The following FRMD4A variants were observed in gnomAD, a reference collection of about 807,000 sequenced individuals.
The protein encoded by FRMD4A is FERM domain containing 4A, also known as FERM domain-containing protein 4A.
A neutral mutation model predicts 129.1 loss-of-function variants in FRMD4A; 29 were observed. The observed-to-expected ratio is 0.22, with a 90% CI of 0.17 to 0.31. FRMD4A has a LOEUF of 0.31. Ranked by LOEUF, FRMD4A falls within the 10% of genes least tolerant of loss-of-function variation. The pLI, the probability that FRMD4A is intolerant of heterozygous loss-of-function variation, is 1.00. For missense variants in FRMD4A, 1,272 were observed against 1,375.8 expected, an observed-to-expected ratio of 0.92 and a Z score of 1.19; for synonymous variants, 634 against 571.6, an observed-to-expected ratio of 1.11 and a Z score of -1.56.
At chr10:13,881,111 G>A (rs2094541464) in intron 2 of FRMD4A, among the ~76,000 whole-genome samples, 1 of 152,040 alleles carries the variant, frequency 6.6e-6, no homozygotes, top group African/African-American at 2.4e-5. Flanking sequence ...TGCCAGGGTA[G>A]CATTTTTTAT....
chr10:13,666,783 C>T (rs1283944590), intron 17 of FRMD4A, among the ~76,000 whole-genome samples: 2 of 152,118 alleles, frequency 1.3e-5, no homozygotes, highest in South Asian at 2.1e-4. Context: ...AGCTAATGCA[C>T]GGGCCTCTGA....
At chr10:14,063,255 C>T (rs958138999) in intron 2 of FRMD4A, among the ~76,000 whole-genome samples, 4 of 151,490 alleles carry the variant, frequency 2.6e-5, no homozygotes, top group African/African-American at 9.7e-5. Flanking sequence ...AGTGCGTGTT[C>T]GGTTCCAGCT....
At chr10:13,663,539 G>C (rs768719195) in intron 18 of FRMD4A, 30 bp from the exon 19 acceptor site, 6 of 1,152,244 alleles carry the variant, frequency 5.2e-6, no homozygotes, top group Non-Finnish European at 7.9e-6. Flanking sequence ...TAGCCTATGA[G>C]TTCAGCACAT....
intron 2 of FRMD4A, among the ~76,000 whole-genome samples, chr10:14,293,521 A>G (rs1163296288): frequency 6.6e-6 from 1 of 152,152 alleles, no homozygotes; most frequent in Non-Finnish European, 1.5e-5. Context: ...GTTGTACTTC[A>G]CTGATAATCA....
chr10:13,989,532 T>A (rs1216500779), intron 2 of FRMD4A, among the ~76,000 whole-genome samples: 1 of 152,212 alleles, frequency 6.6e-6, no homozygotes, highest in African/African-American at 2.4e-5. Context: ...TTTCACCATG[T>A]TGGCCAAGAA....
chr10:14,057,119 G>T (rs12265397), intron 2 of FRMD4A, among the ~76,000 whole-genome samples: 41,031 of 152,062 alleles, frequency 0.27, 6,703 homozygotes, highest in African/African-American at 0.46. Context: ...GGCCTCAAAG[G>T]GTTTTGCAAT....
chr10:14,112,821 C>T (rs780964954), intron 2 of FRMD4A, among the ~76,000 whole-genome samples: 21 of 152,170 alleles, frequency 1.4e-4, no homozygotes, highest in African/African-American at 2.9e-4. Flanking sequence ...CCACTGTGCC[C>T]GGCCCCCTGA....
At chr10:13,648,822 T>A (rs1456995470) in intron 24 of FRMD4A, 2 of 152,218 alleles carry the variant, frequency 1.3e-5, no homozygotes, top group African/African-American at 4.8e-5. Context: ...ACAAACATGA[T>A]CTGGGTCTGT....
intron 5 of FRMD4A, among the ~76,000 whole-genome samples, chr10:13,794,024 G>A (rs936375059): frequency 3.9e-5 from 6 of 152,122 alleles, no homozygotes; most frequent in African/African-American, 1.2e-4. Flanking sequence ...CCCACCCTTG[G>A]AGGCTGCTTC....
intron 2 of FRMD4A, among the ~76,000 whole-genome samples, chr10:13,895,507 G>T (rs1282729294): frequency 6.6e-6 from 1 of 152,150 alleles, no homozygotes. Context: ...CCTGGCACAA[G>T]ATCTCTTTAC....
At chr10:14,187,249 AT>A (rs1483454013) in intron 2 of FRMD4A, among the ~76,000 whole-genome samples, 3 of 152,224 alleles carry the variant, frequency 2.0e-5, no homozygotes, top group African/African-American at 7.2e-5. Context: ...TCTTAAAGGC[AT>A]TATGAGCCTA....
At chr10:13,813,551 T>C (rs1238220042) in intron 3 of FRMD4A, among the ~76,000 whole-genome samples, 1 of 152,250 alleles carries the variant, frequency 6.6e-6, no homozygotes, top group African/African-American at 2.4e-5. Context: ...ATACATTTAA[T>C]ACACCTTACC....
intron 2 of FRMD4A, among the ~76,000 whole-genome samples, chr10:13,923,036 C>T (rs1416613258): frequency 6.6e-6 from 1 of 152,060 alleles, no homozygotes; most frequent in East Asian, 1.9e-4. Context: ...TAATGATAAC[C>T]TAGGGTAATC....
chr10:13,974,416 G>A (rs151258333), intron 2 of FRMD4A, among the ~76,000 whole-genome samples: 2 of 152,264 alleles, frequency 1.3e-5, no homozygotes, highest in African/African-American at 4.8e-5. Flanking sequence ...GCAGACGCCT[G>A]TCTCTGTGCC....
rs967174123 is a variant in FRMD4A, at chr10:13,704,961, G to A, written c.836+2076C>T. Among the ~76,000 whole-genome samples the A allele has an allele frequency of 5.3e-5, 8 of 151,986 alleles. No homozygotes were observed. In the East Asian group the frequency reaches 9.7e-4, roughly 18 times the overall value. ...TGTGTACCTATAGTCCCAGCTACTC[G>A]GGAGGCTGAGGCTGAGGTGGGAGAA... is the stretch of plus-strand genomic sequence containing the variant. On this transcript the variant is annotated intron_variant, in intron 13 of 24. Coordinates refer to ENST00000357447, the MANE Select transcript of FRMD4A (RefSeq NM_018027.5).
chr10:14,115,591 A>G (rs542378756), intron 2 of FRMD4A, among the ~76,000 whole-genome samples: 9 of 152,314 alleles, frequency 5.9e-5, no homozygotes, highest in African/African-American at 1.4e-4. Context: ...TGTTTGGATC[A>G]TGGGAAAGGA....
rs115891949 is a variant in FRMD4A, at chr10:13,961,687, G to A, written c.46-102775C>T. ...AGCTTTCTTCAACATCACAGAAAAG[G>A]CAAGGTCCCTCTTAGGTTACCAGGT... On this transcript the variant is annotated intron_variant, in intron 2 of 24. Transcript: ENST00000357447. Among the ~76,000 whole-genome samples, 542 of 152,198 alleles carry A rather than the reference G, an allele frequency of 3.6e-3. 1 individual carries two copies. The highest frequency in any genetic ancestry group is 0.012 in the African/African-American group (501 of 41,526).
chr10:14,265,703 G>A (rs1359941211), intron 2 of FRMD4A, among the ~76,000 whole-genome samples: 2 of 152,188 alleles, frequency 1.3e-5, no homozygotes, highest in African/African-American at 4.8e-5. Flanking sequence ...AATGGTTCTA[G>A]GTCATAGGAT....
chr10:14,046,041 G>A (rs542619746), intron 2 of FRMD4A, among the ~76,000 whole-genome samples: 1 of 150,840 alleles, frequency 6.6e-6, no homozygotes, highest in South Asian at 2.1e-4. Flanking sequence ...CAATATGTAT[G>A]TATTGAAAAG....
Sources: gnomAD v4.1 joint callset for allele counts (sites outside exome capture counted in the v4.1 genomes callset) on GRCh38, gnomAD v4.1.1 for gene constraint, MANE v1.5 for transcripts, NCBI Gene and HGNC (gene_info 2026-07-23, HGNC 2026-07-21) for gene names.